The following PEX5L variants were observed in gnomAD, a reference collection of about 807,000 sequenced individuals.
PEX5L encodes the protein PEX5-related protein.
In PEX5L, 30 loss-of-function variants were observed where a neutral mutation model predicts 84.0. That is an observed-to-expected ratio of 0.36 (90% CI 0.27 to 0.48). The LOEUF is 0.48. PEX5L is among the 20% of genes least tolerant of loss of function. The pLI, the probability that PEX5L is intolerant of heterozygous loss-of-function variation, is 0.99. For missense variants in PEX5L, 533 were observed against 754.6 expected (o/e 0.71, Z 3.44); for synonymous variants, 270 against 283.1 (o/e 0.95, Z 0.46).
chr3:179,919,479 T>C (rs1768485657), intron 2 of PEX5L, among the ~76,000 whole-genome samples: 1 of 152,162 alleles, frequency 6.6e-6, no homozygotes, highest in South Asian at 2.1e-4. Flanking sequence ...TGGGTCACGC[T>C]TGATGGAACT....
intron 1 of PEX5L, among the ~76,000 whole-genome samples, chr3:180,022,407 T>C (rs1347564623): frequency 6.6e-6 from 1 of 152,154 alleles, no homozygotes; most frequent in Middle Eastern, 3.2e-3. Context: ...CCTGCATAAA[T>C]GGATGTCTAA....
At chr3:180,010,883 C>T (rs886259858) in intron 1 of PEX5L, among the ~76,000 whole-genome samples, 2 of 152,010 alleles carry the variant, frequency 1.3e-5, no homozygotes, top group African/African-American at 4.8e-5. Context: ...TGCTTCTTGA[C>T]ATTACTCCTT....
chr3:180,016,488 T>C (rs1789959773), intron 1 of PEX5L, among the ~76,000 whole-genome samples: 1 of 152,228 alleles, frequency 6.6e-6, no homozygotes, highest in Admixed American at 6.5e-5. Context: ...TTTGGTTGTT[T>C]AATTTGTCCT....
intron 1 of PEX5L, among the ~76,000 whole-genome samples, chr3:180,018,274 C>A (rs1049246797): frequency 5.9e-5 from 9 of 152,040 alleles, no homozygotes; most frequent in African/African-American, 2.2e-4. Flanking sequence ...TTTATATTTG[C>A]AATTTTTCCA....
chr3:179,898,740 A>AT (rs1760202316), intron 2 of PEX5L, among the ~76,000 whole-genome samples: 1 of 152,140 alleles, frequency 6.6e-6, no homozygotes. Context: ...AAGAGTAAAA[A>AT]TGTTGCAAAA....
At chr3:179,972,571 A>T (rs1289578049) in intron 1 of PEX5L, among the ~76,000 whole-genome samples, 3 of 152,152 alleles carry the variant, frequency 2.0e-5, no homozygotes, top group Non-Finnish European at 1.5e-5. Flanking sequence ...TTATTTATTT[A>T]TTTTAAAGAT....
chr3:179,880,262 TAG>T (rs1256480532), intron 4 of PEX5L, 139 bp from the exon 5 acceptor site: 22 of 529,388 alleles, frequency 4.2e-5, no homozygotes, highest in Non-Finnish European at 6.3e-5. Flanking sequence ...CATTGATTTA[TAG>T]AGACAGCTTG....
At chr3:180,025,591 T>A (rs906705767) in intron 1 of PEX5L, among the ~76,000 whole-genome samples, 1 of 152,178 alleles carries the variant, frequency 6.6e-6, no homozygotes, top group Admixed American at 6.5e-5. Context: ...AGAGCAGCAC[T>A]CACTGAGGGG....
intron 4 of PEX5L, among the ~76,000 whole-genome samples, chr3:179,881,893 A>G (rs564012296): frequency 1.2e-4 from 19 of 152,310 alleles, no homozygotes; most frequent in African/African-American, 4.6e-4. Flanking sequence ...GATACGAGGG[A>G]TGTTTTGGGG....
chr3:179,952,590 G>C (rs1236418461), intron 2 of PEX5L, among the ~76,000 whole-genome samples: 1 of 152,064 alleles, frequency 6.6e-6, no homozygotes, highest in African/African-American at 2.4e-5. Flanking sequence ...TACTGCTCAA[G>C]GAAATAAGAG....
intron 8 of PEX5L, among the ~76,000 whole-genome samples, chr3:179,826,332 G>A (rs1292332917): frequency 6.6e-6 from 1 of 152,206 alleles, no homozygotes; most frequent in South Asian, 2.1e-4. Context: ...TAAATAGGAA[G>A]GGGTCACTTT....
In PEX5L at chr3:179,807,760, G is replaced by T. The variant is rs1206024703; in HGVS notation, c.1590C>A (p.Ala530=). Residue 530 remains alanine (A), a synonymous_variant, in exon 14 of 15, where the codon GCC becomes GCA. Coordinates refer to ENST00000467460, the MANE Select transcript of PEX5L (RefSeq NM_016559.3). ...GCTGAATCTCCAGTGCTCGCGTATA[G>T]GCCTCCACGGCTTCCTCGCTGCGGT... The part of the protein sequence containing the change: ...NGDRSEEAVE[A]YTRALEIQPG... 6.2e-7 allele frequency: 1 copy of T among 1,614,072 alleles called. No homozygotes were observed. The highest frequency in any genetic ancestry group is 1.7e-5 in the Admixed American group (1 of 60,016).
chr3:179,902,705 G>A (rs985786152), intron 2 of PEX5L: 4 of 456,096 alleles, frequency 8.8e-6, no homozygotes, highest in Non-Finnish European at 1.8e-5. Context: ...CTTAAAGTAT[G>A]CAATTCCACA....
intron 1 of PEX5L, among the ~76,000 whole-genome samples, chr3:180,004,486 C>A (rs900316465): frequency 4.6e-5 from 7 of 152,122 alleles, no homozygotes; most frequent in Non-Finnish European, 1.0e-4. Flanking sequence ...AACAGCTGGG[C>A]ATACTAATAT....
At chr3:179,825,902 C>T (rs1205075330) in intron 8 of PEX5L, among the ~76,000 whole-genome samples, 1 of 152,158 alleles carries the variant, frequency 6.6e-6, no homozygotes. Context: ...TAATATTTCC[C>T]AGGATACAGA....
intron 8 of PEX5L, among the ~76,000 whole-genome samples, chr3:179,823,801 G>A (rs1473594904): frequency 6.6e-6 from 1 of 152,150 alleles, no homozygotes; most frequent in East Asian, 1.9e-4. Context: ...TGTAAAGTGA[G>A]AAGATTGGGT....
chr3:179,883,287 A>C (rs1353390504), intron 4 of PEX5L, among the ~76,000 whole-genome samples: 1 of 152,226 alleles, frequency 6.6e-6, no homozygotes, highest in Non-Finnish European at 1.5e-5. Flanking sequence ...CCCACTGCCC[A>C]GAGGATGTCG....
At chr3:179,990,027 T>C (rs757037236) in intron 1 of PEX5L, among the ~76,000 whole-genome samples, 2 of 152,222 alleles carry the variant, frequency 1.3e-5, no homozygotes, top group African/African-American at 4.8e-5. Flanking sequence ...AAATTACTTA[T>C]AGGTACAGAT....
chr3:179,957,950 T>C (rs1780998602), intron 2 of PEX5L, among the ~76,000 whole-genome samples: 1 of 152,180 alleles, frequency 6.6e-6, no homozygotes, highest in Non-Finnish European at 1.5e-5. Context: ...TTTTTGCAGC[T>C]TTGCTTTTGA....
Sources: gnomAD v4.1 joint callset for allele counts (sites outside exome capture counted in the v4.1 genomes callset) on GRCh38, gnomAD v4.1.1 for gene constraint, MANE v1.5 for transcripts, NCBI Gene and HGNC (gene_info 2026-07-23, HGNC 2026-07-21) for gene names.